Variants in PTDSS2 observed in about 807,000 individuals in gnomAD.
PTDSS2 encodes the protein PSS-2.
Under a neutral mutation model 64.7 loss-of-function variants are expected in PTDSS2, and 41 were observed. The observed-to-expected ratio is 0.63, with a 90% CI of 0.49 to 0.82. PTDSS2 has a LOEUF of 0.82. PTDSS2 is among the 40% of genes least tolerant of loss of function. The pLI, the probability that PTDSS2 is intolerant of heterozygous loss-of-function variation, is 0.00. For synonymous variants in PTDSS2, 297 were observed against 277.8 expected, an observed-to-expected ratio of 1.07 and a Z score of -0.69; for missense variants, 485 against 650.0, an observed-to-expected ratio of 0.75 and a Z score of 2.76.
At chr11:488,083 G>A (rs550454992) in intron 6 of PTDSS2, 116 bp from the exon 7 acceptor site, 86 of 705,006 alleles carry the variant, frequency 1.2e-4, no homozygotes, top group Non-Finnish European at 1.9e-4. Context: ...GGGCAGGGCC[G>A]GGCGTGGCCG....
chr11:448,621 C>CT (rs1185942436), upstream of PTDSS2, among the ~76,000 whole-genome samples: 1 of 152,210 alleles, frequency 6.6e-6, no homozygotes, highest in East Asian at 1.9e-4. Context: ...AGCACGCCCC[C>CT]TGGAGCCAGC....
intron 8 of PTDSS2, 142 bp downstream of exon 8, chr11:488,789 G>C: frequency 1.5e-6 from 1 of 672,550 alleles, no homozygotes; most frequent in Non-Finnish European, 2.7e-6. Context: ...TTGCCTCCTG[G>C]AACCTCCCTC....
At position 487,550 on chromosome 11, in the gene PTDSS2, G is replaced by A. The variant is rs1285768454; in HGVS notation, c.621+80G>A. The stretch of plus-strand genomic sequence containing the variant: ...GCTCTGGACCGTTTCTGTCCATGGA[G>A]TTGAGCTCAGGGTGCTCTGAGTGTG... On this transcript the variant is annotated intron_variant, in intron 6 of 11. Coordinates refer to ENST00000308020, the MANE Select transcript of PTDSS2 (RefSeq NM_030783.3). The A allele has an allele frequency of 4.4e-6, 6 of 1,355,964 alleles. No individual in the cohort carries two copies. The South Asian group carries it at 7.0e-5, about 16-fold the overall frequency. 84.0% of individuals were successfully genotyped at this position (1,355,964 alleles called of 1,614,324 possible).
intron 1 of PTDSS2, among the ~76,000 whole-genome samples, chr11:458,274 G>A (rs1447542421): frequency 2.7e-5 from 4 of 147,824 alleles, no homozygotes; most frequent in South Asian, 2.1e-4. Flanking sequence ...GCGCGATCTC[G>A]GCTCACTGCA....
intron 4 of PTDSS2, among the ~76,000 whole-genome samples, chr11:481,228 G>A (rs1037444643): frequency 1.7e-4 from 26 of 152,128 alleles, no homozygotes; most frequent in African/African-American, 5.3e-4. Context: ...GGACGGTTTC[G>A]AGGATTGGTC....
At chr11:485,069 A>G (rs1463695192) in intron 4 of PTDSS2, among the ~76,000 whole-genome samples, 1 of 76,042 alleles carries the variant, frequency 1.3e-5, no homozygotes, top group Admixed American at 1.3e-4. Flanking sequence ...TGTAAACTGC[A>G]CGGGCACGTG....
chr11:451,822 C>A (rs953331577), intron 1 of PTDSS2, among the ~76,000 whole-genome samples: 1 of 152,196 alleles, frequency 6.6e-6, no homozygotes, highest in East Asian at 1.9e-4. Context: ...AGGCCCCACG[C>A]AGGGTCTTCC....
rs117951035 is a variant in PTDSS2, at chr11:460,126, G to A, written c.183-61G>A. 7.9e-4 allele frequency: 1,063 copies of A among 1,349,080 alleles called. 6 individuals are homozygous for A. The Middle Eastern group carries it at 0.017, about 22-fold the overall frequency. 83.6% of individuals were successfully genotyped at this position (1,349,080 alleles called of 1,614,324 possible). ...GTAGAGAGGATTTGGGGCCTGTTAC[G>A]TGAGTATTTAGCAATGCTGCCCAAG... On this transcript the variant is annotated intron_variant, in intron 1 of 11. Coordinates refer to ENST00000308020, the MANE Select transcript of PTDSS2 (RefSeq NM_030783.3). The surrounding 1 kb of genome is among the most constrained non-coding windows in gnomAD (Gnocchi z 5.8).
rs375597148 is a variant in PTDSS2 at position 489,611 on chromosome 11, G to A, written c.993G>A (p.Thr331=). The change falls in exon 10 of 12, where the codon ACG becomes ACA. Residue 331 remains threonine, a synonymous_variant. Coordinates refer to ENST00000308020, the MANE Select transcript of PTDSS2 (RefSeq NM_030783.3). ...AGTTCCTGTTGGCAGAACTGAACAC[G>A]TTCTACCTGAAGTTTGTGCTGTGGA... ...ILVFLLAELN[T]FYLKFVLWMP... 2.4e-5 allele frequency: 38 copies of A among 1,596,642 alleles called. No individual in the cohort carries two copies. The highest frequency in any genetic ancestry group is 9.0e-5 in the South Asian group (8 of 89,076).
At chr11:451,565 C>T (rs1244038251) in intron 1 of PTDSS2, 1 of 237,128 alleles carries the variant, frequency 4.2e-6, no homozygotes, top group Non-Finnish European at 9.1e-6. Context: ...CCCAGGAAAA[C>T]GTGTGGGAGA....
Position 479,390 on chromosome 11 carries a change from G to A in PTDSS2, c.435+238G>A. The A allele has an allele frequency of 1.7e-6, 1 of 591,932 alleles. No individual in the cohort carries two copies. The highest frequency in any genetic ancestry group is 3.0e-6 in the Non-Finnish European group (1 of 333,054). The allele number at this position is 591,932 out of a possible 1,614,324, so 36.7% of individuals were successfully genotyped here. A position where few individuals can be genotyped will look rare whatever the true frequency, so the allele number is the denominator to read the frequency against. On this transcript the variant is annotated intron_variant, in intron 4 of 11. Coordinates refer to ENST00000308020, the MANE Select transcript of PTDSS2 (RefSeq NM_030783.3). The surrounding 1 kb of genome is among the most constrained non-coding windows in gnomAD (Gnocchi z 4.2). ...TAGGCCGAGCTGCGGGGGGCCTCCA[G>A]GAGCATCTGCTGGTGGGGCGCTGAC...
chr11:468,281 GTGGTAGTGAAAACAT>G (rs1212146055), intron 2 of PTDSS2, among the ~76,000 whole-genome samples: 63 of 152,358 alleles, frequency 4.1e-4, no homozygotes, highest in African/African-American at 1.5e-3. Flanking sequence ...GCAATATGAT[GTGGTAGTGAAAACAT>G]CAGTTGTTTC....
At chr11:456,007 C>T (rs1427349513) in intron 1 of PTDSS2, among the ~76,000 whole-genome samples, 1 of 152,140 alleles carries the variant, frequency 6.6e-6, no homozygotes, top group Non-Finnish European at 1.5e-5. Context: ...ACTTACCGGC[C>T]CTGACTTGCC....
rs1590624947 is a variant in PTDSS2 at position 462,751 on chromosome 11, T to C, written c.284+2463T>C. ...ACGCAGGGTGTCCACACAGAGGGTG[T>C]CCGCACACAGGGTGCCCACACACAG... On this transcript the variant is annotated intron_variant, in intron 2 of 11. Transcript: ENST00000308020. This position sits in a 1 kb window ranked among gnomAD's most constrained non-coding sequence, Gnocchi z 4.5. 1.3e-5 allele frequency among the ~76,000 whole-genome samples: 2 copies of C among 152,046 alleles called. No individual in the cohort carries two copies. Among genetic ancestry groups the C allele is most frequent in the Admixed American group, 6.6e-5 (1 of 15,230 alleles).
intron 2 of PTDSS2, among the ~76,000 whole-genome samples, chr11:465,491 A>G (rs1325199144): frequency 6.6e-6 from 1 of 150,790 alleles, no homozygotes; most frequent in African/African-American, 2.4e-5. Flanking sequence ...AAAACATCTG[A>G]GCTATCATGC....
chr11:468,842 GGA>G (rs1564972261), intron 2 of PTDSS2, among the ~76,000 whole-genome samples: 1 of 148,120 alleles, frequency 6.8e-6, no homozygotes, highest in African/African-American at 2.5e-5. Flanking sequence ...TCGGAGGAGG[GGA>G]GTCTCTGAGA....
intron 1 of PTDSS2, among the ~76,000 whole-genome samples, chr11:455,115 G>A (rs750121190): frequency 5.9e-5 from 9 of 152,152 alleles, no homozygotes; most frequent in Non-Finnish European, 1.0e-4. Context: ...TGGAGATGAC[G>A]AGGGGTTTCC....
At chr11:483,874 T>C (rs1564988955) in intron 4 of PTDSS2, among the ~76,000 whole-genome samples, 1 of 152,330 alleles carries the variant, frequency 6.6e-6, no homozygotes, top group East Asian at 1.9e-4. Flanking sequence ...ACCATCACCA[T>C]GACGTATCCC....
At chr11:485,634 C>T (rs997733613) in intron 4 of PTDSS2, among the ~76,000 whole-genome samples, 7 of 138,042 alleles carry the variant, frequency 5.1e-5, no homozygotes, top group Middle Eastern at 6.2e-3. Flanking sequence ...GTAAACAGTG[C>T]ACGGGCGCGT....
Sources: allele counts gnomAD v4.1 joint callset (sites outside exome capture counted in the v4.1 genomes callset), GRCh38; gene constraint gnomAD v4.1.1; non-coding constraint Gnocchi (gnomAD v3.1); transcripts MANE v1.5; gene names NCBI Gene and HGNC (gene_info 2026-07-23, HGNC 2026-07-21).